The following CDC42BPA variants were observed in gnomAD, a reference collection of about 807,000 sequenced individuals.
CDC42BPA encodes serine/threonine-protein kinase MRCK alpha.
CDC42BPA carries 80 observed loss-of-function variants against 223.5 expected under a neutral mutation model. The ratio of observed to expected loss-of-function variants is 0.36; its 90% CI spans 0.30 to 0.43. The LOEUF (loss-of-function observed/expected upper bound fraction) is 0.43, where lower values mean the gene tolerates loss of function less well. Among genes scored for constraint, CDC42BPA ranks in the 20% least tolerant of loss-of-function variants. The probability of loss-of-function intolerance (pLI) is 1.00; values close to 1 mark genes in which losing one functional copy is unlikely to be tolerated. For synonymous variants in CDC42BPA, 694 were observed against 718.6 expected, an observed-to-expected ratio of 0.97 and a Z score of 0.55; for missense variants, 1,743 against 2,099.9, an observed-to-expected ratio of 0.83 and a Z score of 3.32.
At chr1:227,124,217 G>C (rs969525445) in intron 11 of CDC42BPA, among the ~76,000 whole-genome samples, 9 of 152,006 alleles carry the variant, frequency 5.9e-5, no homozygotes, top group Admixed American at 5.2e-4. Context: ...TTAAAAAGAA[G>C]TTGTCAATAA....
In CDC42BPA at chr1:227,145,516, AT is replaced by A. The variant is rs1558606604; in HGVS notation, c.1115del (p.Asp372ValfsTer2). ...VSSPTDTSNF[D>X]VDDDCLKNSE... ...AATTTTTTAAACAATCATCATCTAC[AT>A]CAAAATTCGATGTATCTGTTGGGCT... On this transcript the variant is annotated frameshift_variant, in exon 8 of 37. Coordinates refer to ENST00000366766, the MANE Select transcript of CDC42BPA (RefSeq NM_001394014.1). LOFTEE classifies it high-confidence loss of function. 6.2e-7 allele frequency: 1 copy of A among 1,613,446 alleles called. No homozygotes were observed. The highest frequency in any genetic ancestry group is 1.7e-5 in the Admixed American group (1 of 60,006).
At chr1:227,257,003 CA>C (rs907556362) in intron 1 of CDC42BPA, among the ~76,000 whole-genome samples, 7 of 149,046 alleles carry the variant, frequency 4.7e-5, no homozygotes, top group Admixed American at 4.7e-4. Flanking sequence ...GTATGTTAAG[CA>C]GCTTTAAAAT....
intron 19 of CDC42BPA, among the ~76,000 whole-genome samples, chr1:227,073,035 C>T (rs1329784349): frequency 1.3e-5 from 2 of 152,040 alleles, no homozygotes; most frequent in Non-Finnish European, 2.9e-5. Context: ...ATGTATCTGG[C>T]CTTTGATTTG....
chr1:227,031,672 C>G (rs1047313638), intron 27 of CDC42BPA, among the ~76,000 whole-genome samples, 158 bp from the exon 28 acceptor site: 1 of 152,094 alleles, frequency 6.6e-6, no homozygotes, highest in Non-Finnish European at 1.5e-5. Context: ...GAATAACTAC[C>G]TTTAGCACTA....
chr1:227,122,206 G>T (rs1403176584), intron 11 of CDC42BPA, among the ~76,000 whole-genome samples: 1 of 152,094 alleles, frequency 6.6e-6, no homozygotes. Context: ...TCACTTCCTG[G>T]TTCATTTTAA....
At chr1:227,092,232 C>G (rs1683204915) in intron 15 of CDC42BPA, among the ~76,000 whole-genome samples, 1 of 152,158 alleles carries the variant, frequency 6.6e-6, no homozygotes, top group South Asian at 2.1e-4. Context: ...GGAGTGCTTA[C>G]TAGGTGCCAA....
chr1:227,131,954 G>A (rs538522295), intron 10 of CDC42BPA, among the ~76,000 whole-genome samples: 1 of 152,156 alleles, frequency 6.6e-6, no homozygotes, highest in Admixed American at 6.5e-5. Flanking sequence ...AAGGGGACAG[G>A]AGAACGGGAG....
chr1:227,247,912 T>G (rs1255114074), intron 2 of CDC42BPA, among the ~76,000 whole-genome samples: 1 of 151,950 alleles, frequency 6.6e-6, no homozygotes, highest in Non-Finnish European at 1.5e-5. Context: ...CAATAATTTT[T>G]AAAAATCAAG....
intron 3 of CDC42BPA, among the ~76,000 whole-genome samples, chr1:227,204,057 T>C (rs560986065): frequency 1.3e-5 from 2 of 152,304 alleles, no homozygotes; most frequent in South Asian, 4.1e-4. Flanking sequence ...AATAAAGACT[T>C]CACTCTTCCA....
At chr1:227,064,423 C>A (rs144704368) in intron 21 of CDC42BPA, among the ~76,000 whole-genome samples, 160 of 152,230 alleles carry the variant, frequency 1.1e-3, no homozygotes, top group African/African-American at 3.6e-3. Context: ...TCAAGCCAAG[C>A]TTTTTCAGGT....
intron 9 of CDC42BPA, among the ~76,000 whole-genome samples, chr1:227,140,026 A>T (rs974526027): frequency 6.6e-6 from 1 of 152,198 alleles, no homozygotes; most frequent in Non-Finnish European, 1.5e-5. Context: ...CACAAATTAT[A>T]AAATTAAGTT....
At chr1:227,213,099 TA>T (rs1183589691) in intron 3 of CDC42BPA, 36 bp downstream of exon 3, 2 of 995,866 alleles carry the variant, frequency 2.0e-6, no homozygotes, top group Non-Finnish European at 3.0e-6. Context: ...AAAATATTTC[TA>T]AAATATTTAT....
At chr1:227,033,487 A>AT in intron 26 of CDC42BPA, 72 bp from the exon 27 acceptor site, 1 of 938,656 alleles carries the variant, frequency 1.1e-6, no homozygotes, top group Non-Finnish European at 1.7e-6. Flanking sequence ...GTGTATCCAA[A>AT]TAACACATAC....
intron 2 of CDC42BPA, among the ~76,000 whole-genome samples, chr1:227,235,639 C>T (rs1678872473): frequency 2.0e-5 from 3 of 152,140 alleles, no homozygotes; most frequent in Admixed American, 2.0e-4. Context: ...ACCTGGCTAC[C>T]TCTCAGCCTC....
In CDC42BPA at chr1:227,016,158, A is replaced by T. The variant is rs758007673; in HGVS notation, c.4779T>A (p.Ile1593=). ...LRDPEMRNKL[I]SNPTNFNHIA... is the part of the protein sequence containing the mutation. ...TGTGATTAAAATTAGTTGGATTAGA[A>T]ATTAATTTATTTCTCATTTCTGGAT... The change falls in exon 34 of 37, where the codon ATT becomes ATA. Residue 1593 remains isoleucine, a synonymous_variant. Transcript: ENST00000366766. 6.3e-7 allele frequency: 1 copy of T among 1,599,906 alleles called. No homozygotes were observed. The highest frequency in any genetic ancestry group is 1.1e-5 in the South Asian group (1 of 90,732).
intron 2 of CDC42BPA, chr1:227,235,453 T>C (rs1651155565): frequency 6.6e-6 from 1 of 152,124 alleles, no homozygotes; most frequent in Non-Finnish European, 1.5e-5. Context: ...ATATAGCAAG[T>C]GGGGATGGGT....
At chr1:227,244,082 C>T (rs558633540) in intron 2 of CDC42BPA, among the ~76,000 whole-genome samples, 71 of 151,186 alleles carry the variant, frequency 4.7e-4, no homozygotes, top group Non-Finnish European at 6.8e-4. Flanking sequence ...ACACTGTTGA[C>T]GGGAATATAA....
intron 34 of CDC42BPA, among the ~76,000 whole-genome samples, chr1:227,015,146 G>A (rs188127267): frequency 9.2e-5 from 14 of 151,882 alleles, no homozygotes; most frequent in African/African-American, 2.4e-5. Flanking sequence ...TGGGGTCTTG[G>A]TCAGTCTTGG....
chr1:227,209,213 T>G (rs1673416198), intron 3 of CDC42BPA, among the ~76,000 whole-genome samples: 1 of 146,398 alleles, frequency 6.8e-6, no homozygotes, highest in African/African-American at 2.6e-5. Flanking sequence ...TTTTGTATCC[T>G]GAGACTTTGC....
Sources: allele counts gnomAD v4.1 joint callset (sites outside exome capture counted in the v4.1 genomes callset), GRCh38; gene constraint gnomAD v4.1.1; transcripts MANE v1.5; gene names NCBI Gene and HGNC (gene_info 2026-07-23, HGNC 2026-07-21).